TMEM132D: variants seen among roughly 807,000 people sequenced by gnomAD.
TMEM132D encodes the protein mature OL transmembrane protein.
A neutral mutation model predicts 62.3 loss-of-function variants in TMEM132D; 21 were observed. That is an observed-to-expected ratio of 0.34 (90% CI 0.24 to 0.49). The LOEUF is 0.49. Among genes scored for constraint, TMEM132D ranks in the 20% least tolerant of loss-of-function variants. The probability of loss-of-function intolerance (pLI) is 0.99; values close to 1 mark genes in which losing one functional copy is unlikely to be tolerated. For missense variants in TMEM132D, 1,346 were observed against 1,402.8 expected (o/e 0.96, Z 0.65); for synonymous variants, 621 against 575.6 (o/e 1.08, Z -1.13).
rs1193810138 is a variant in TMEM132D, at chr12:129,570,070, A to C, written c.969-38865T>G. Among the ~76,000 whole-genome samples the C allele has an allele frequency of 3.3e-5, 5 of 152,196 alleles. No individual in the cohort carries two copies. In the East Asian group the frequency reaches 9.6e-4, roughly 29 times the overall value. On this transcript the variant is annotated intron_variant, in intron 2 of 8. Transcript: ENST00000422113. ...TTGGTAGTTTTCTGTTGGCTGATTA[A>C]ATCAACCAGAAGTGCCATAGTGAGT...
chr12:129,332,149 T>A (rs1219514989), intron 4 of TMEM132D, among the ~76,000 whole-genome samples: 2 of 152,202 alleles, frequency 1.3e-5, no homozygotes, highest in Admixed American at 1.3e-4. Flanking sequence ...GATAAATGAA[T>A]GCTAATGCAC....
intron 5 of TMEM132D, among the ~76,000 whole-genome samples, chr12:129,183,178 G>T (rs975817273): frequency 2.6e-5 from 4 of 152,180 alleles, no homozygotes; most frequent in Admixed American, 6.5e-5. Context: ...CAATATAAAG[G>T]AGACTCCGGA....
intron 3 of TMEM132D, among the ~76,000 whole-genome samples, chr12:129,509,587 T>G (rs1875439126): frequency 6.6e-6 from 1 of 152,190 alleles, no homozygotes; most frequent in Non-Finnish European, 1.5e-5. Context: ...TTCTATTTTT[T>G]GTATCCAGTA....
intron 2 of TMEM132D, among the ~76,000 whole-genome samples, chr12:129,674,502 A>T (rs1880581059): frequency 6.6e-6 from 1 of 152,136 alleles, no homozygotes; most frequent in Admixed American, 6.5e-5. Flanking sequence ...TGGTTTAAAA[A>T]ATGTATCAAG....
chr12:129,722,529 C>G (rs1295704450), intron 1 of TMEM132D, among the ~76,000 whole-genome samples: 3 of 152,228 alleles, frequency 2.0e-5, no homozygotes, highest in African/African-American at 7.2e-5. Context: ...GATTGGGATT[C>G]TGGACACCAG....
chr12:129,718,194 C>A (rs1378454518), intron 1 of TMEM132D, among the ~76,000 whole-genome samples: 1 of 152,144 alleles, frequency 6.6e-6, no homozygotes, highest in African/African-American at 2.4e-5. Flanking sequence ...AAACTGGGTC[C>A]TGTGTGCAAT....
chr12:129,482,909 C>G (rs942529177), intron 3 of TMEM132D, among the ~76,000 whole-genome samples: 2 of 149,498 alleles, frequency 1.3e-5, no homozygotes, highest in Admixed American at 1.3e-4. Context: ...TTGAAAAGAG[C>G]AAACATCTGG....
chr12:129,790,493 G>A (rs1871371760), intron 1 of TMEM132D, among the ~76,000 whole-genome samples: 1 of 152,128 alleles, frequency 6.6e-6, no homozygotes, highest in Admixed American at 6.5e-5. Context: ...GTCCCCGGCT[G>A]GACTCCTCTC....
chr12:129,640,331 C>T (rs747441130), intron 2 of TMEM132D, among the ~76,000 whole-genome samples: 9 of 152,118 alleles, frequency 5.9e-5, no homozygotes, highest in African/African-American at 1.4e-4. Context: ...AAATCCACAT[C>T]GGACAAAAAC....
intron 2 of TMEM132D, among the ~76,000 whole-genome samples, 178 bp from the exon 3 acceptor site, chr12:129,531,383 T>C (rs12319526): frequency 0.024 from 3,603 of 152,236 alleles, 150 homozygotes; most frequent in African/African-American, 0.082. Flanking sequence ...CTAATTTCTT[T>C]CCGTTTTTCC....
chr12:129,089,608 C>T (rs1318287969), intron 5 of TMEM132D, among the ~76,000 whole-genome samples: 2 of 152,152 alleles, frequency 1.3e-5, no homozygotes, highest in East Asian at 1.9e-4. Context: ...CCGGGGTGTC[C>T]TCCCTGACGG....
At chr12:129,313,569 G>GTATATATA (rs71451305) in intron 4 of TMEM132D, among the ~76,000 whole-genome samples, 44 of 148,462 alleles carry the variant, frequency 3.0e-4, no homozygotes, top group Admixed American at 4.7e-4. Flanking sequence ...GTGTGTGTGT[G>GTATATATA]TATATATATA....
At chr12:129,458,627 G>T (rs1480575305) in intron 3 of TMEM132D, among the ~76,000 whole-genome samples, 1 of 152,182 alleles carries the variant, frequency 6.6e-6, no homozygotes, top group Non-Finnish European at 1.5e-5. Flanking sequence ...GACCTAAGGG[G>T]ATTTGAACTC....
chr12:129,578,038 AT>A (rs1166383983), intron 2 of TMEM132D, among the ~76,000 whole-genome samples: 1 of 152,090 alleles, frequency 6.6e-6, no homozygotes, highest in Non-Finnish European at 1.5e-5. Context: ...CGAAGGGTCC[AT>A]TTTCTCTCTC....
At chr12:129,282,267 G>A (rs976710249) in intron 4 of TMEM132D, among the ~76,000 whole-genome samples, 1 of 152,138 alleles carries the variant, frequency 6.6e-6, no homozygotes, top group Admixed American at 6.6e-5. Flanking sequence ...TTGGGAATAT[G>A]AGACCAGAGG....
At chr12:129,662,507 G>A (rs1241479449) in intron 2 of TMEM132D, among the ~76,000 whole-genome samples, 1 of 152,074 alleles carries the variant, frequency 6.6e-6, no homozygotes, top group Non-Finnish European at 1.5e-5. Flanking sequence ...AGAAATACGA[G>A]TTATTGGCCA....
At position 129,171,718 on chromosome 12, in the gene TMEM132D, A is replaced by C. The variant is rs1458655201; in HGVS notation, c.1443+37802T>G. Among the ~76,000 whole-genome samples, 3 of 152,362 alleles carry C rather than the reference A, an allele frequency of 2.0e-5. No homozygotes were observed. The East Asian group carries it at 5.8e-4, about 29-fold the overall frequency. On this transcript the variant is annotated intron_variant, in intron 5 of 8. Transcript: ENST00000422113. ...GCGATGAGGTGCATTGTCATTAAGCAGGAATATTTTGAAAGAAATCTTTTC... is the reference window on the plus strand; with the variant it reads ...GCGATGAGGTGCATTGTCATTAAGCCGGAATATTTTGAAAGAAATCTTTTC...
intron 2 of TMEM132D, among the ~76,000 whole-genome samples, chr12:129,654,607 C>T (rs577603316): frequency 6.6e-6 from 1 of 152,220 alleles, no homozygotes; most frequent in South Asian, 2.1e-4. Context: ...GAATGAGAAG[C>T]CCCCAACAAA....
intron 3 of TMEM132D, among the ~76,000 whole-genome samples, chr12:129,390,757 T>C (rs977297783): frequency 2.3e-4 from 35 of 152,238 alleles, no homozygotes; most frequent in African/African-American, 6.3e-4. Flanking sequence ...GACCCTACCT[T>C]GATTAACCCC....
Sources: allele counts gnomAD v4.1 joint callset (sites outside exome capture counted in the v4.1 genomes callset), GRCh38; gene constraint gnomAD v4.1.1; transcripts MANE v1.5; gene names NCBI Gene and HGNC (gene_info 2026-07-23, HGNC 2026-07-21).